Variants in NECAP1 observed in about 807,000 individuals in gnomAD.
NECAP1 encodes NECAP endocytosis associated 1, also known as adaptin ear-binding coat-associated protein 1.
In NECAP1, 13 loss-of-function variants were observed where a neutral mutation model predicts 33.4. That is an observed-to-expected ratio of 0.39 (90% CI 0.25 to 0.62). The LOEUF is 0.62. Among genes scored for constraint, NECAP1 ranks in the 20% least tolerant of loss-of-function variants. The pLI is 0.52. For synonymous variants in NECAP1, 109 were observed against 125.2 expected, an observed-to-expected ratio of 0.87 and a Z score of 0.86; for missense variants, 272 against 347.4, an observed-to-expected ratio of 0.78 and a Z score of 1.73.
chr12:8,087,540 T>C (rs994809617), intron 1 of NECAP1, among the ~76,000 whole-genome samples: 1 of 150,562 alleles, frequency 6.6e-6, no homozygotes, highest in African/African-American at 2.5e-5. Context: ...TTTTTTTTTT[T>C]AGAGACAGGG....
chr12:8,090,633 A>C (rs1947534877), intron 3 of NECAP1: 1 of 191,936 alleles, frequency 5.2e-6, no homozygotes, highest in Admixed American at 5.4e-5. Flanking sequence ...ATATGATGAA[A>C]CCCTGTCGCT....
intron 7 of NECAP1, 41 bp from the exon 8 acceptor site, chr12:8,096,001 A>G (rs777714331): frequency 1.9e-6 from 3 of 1,608,886 alleles, no homozygotes; most frequent in Non-Finnish European, 8.5e-7. Flanking sequence ...TTGTTATCCT[A>G]ATATTATGTC....
chr12:8,085,044 GA>G (rs1947474323), intron 1 of NECAP1, among the ~76,000 whole-genome samples: 1 of 151,472 alleles, frequency 6.6e-6, no homozygotes, highest in Non-Finnish European at 1.5e-5. Context: ...TTTTGAGATG[GA>G]GTCTGGCTGT....
At chr12:8,094,559 T>C (rs1158828975) in intron 6 of NECAP1, 1 of 152,300 alleles carries the variant, frequency 6.6e-6, no homozygotes, top group African/African-American at 2.4e-5. Context: ...CTCAAACTCC[T>C]GGGCTCAAGA....
chr12:8,095,195 T>C (rs1257708859), intron 6 of NECAP1: 3 of 173,496 alleles, frequency 1.7e-5, no homozygotes, highest in Non-Finnish European at 3.7e-5. Flanking sequence ...GTGGCATTTG[T>C]ATACAGATTT....
chr12:8,094,192 A>T (rs1947574535), intron 6 of NECAP1, among the ~76,000 whole-genome samples: 1 of 152,200 alleles, frequency 6.6e-6, no homozygotes, highest in African/African-American at 2.4e-5. Context: ...TGTTGCCAGA[A>T]GCCACTGGGG....
intron 6 of NECAP1, chr12:8,095,196 A>G (rs140177801): frequency 1.2e-5 from 2 of 169,732 alleles, no homozygotes; most frequent in East Asian, 1.7e-4. Flanking sequence ...TGGCATTTGT[A>G]TACAGATTTT....
At chr12:8,091,594 TG>T (rs533763322) in intron 3 of NECAP1, 174 bp from the exon 4 acceptor site, 1 of 606,044 alleles carries the variant, frequency 1.7e-6, no homozygotes, top group Non-Finnish European at 3.0e-6. Flanking sequence ...GGAGCTCAGG[TG>T]GTCATGCAAG....
At chr12:8,092,580 G>C (rs1947559856) in intron 4 of NECAP1, 96 bp from the exon 5 acceptor site, 2 of 824,032 alleles carry the variant, frequency 2.4e-6, no homozygotes, top group South Asian at 3.9e-5. Context: ...GTGTTTTCTG[G>C]AATCTCATTT....
At chr12:8,082,430 G>T in intron 1 of NECAP1, 47 bp downstream of exon 1, 2 of 1,535,614 alleles carry the variant, frequency 1.3e-6, no homozygotes, top group Non-Finnish European at 1.8e-6. Flanking sequence ...TGTCGCAGAT[G>T]ACAGCTTCCT....
At chr12:8,085,686 C>CTTTTTTTTTTTT (rs554942626) in intron 1 of NECAP1, among the ~76,000 whole-genome samples, 5 of 104,812 alleles carry the variant, frequency 4.8e-5, no homozygotes, top group African/African-American at 2.1e-4. Flanking sequence ...ACTTAATCTT[C>CTTTTTTTTTTTT]TTTTTTTTTT....
chr12:8,088,112 ATAAT>A (rs1565643739), intron 1 of NECAP1, among the ~76,000 whole-genome samples: 1 of 152,236 alleles, frequency 6.6e-6, no homozygotes, highest in African/African-American at 2.4e-5. Context: ...TTCATCATAA[ATAAT>A]CTTAGTTGTT....
chr12:8,095,235 A>ATTTTTTTTTTTTTTTTTTTTT (rs35905417), intron 6 of NECAP1: 1 of 112,354 alleles, frequency 8.9e-6, no homozygotes, highest in Non-Finnish European at 1.7e-5. Flanking sequence ...CATCTCCAAG[A>ATTTTTTTTTTTTTTTTTTTTT]TTTTTTTTTT....
At chr12:8,094,216 T>A (rs916858561) in intron 6 of NECAP1, among the ~76,000 whole-genome samples, 3 of 152,050 alleles carry the variant, frequency 2.0e-5, no homozygotes, top group Non-Finnish European at 4.4e-5. Context: ...GTATCTAAGA[T>A]TTTTTTTAAA....
chr12:8,090,176 T>C lies in NECAP1; in HGVS notation c.197-19T>C, dbSNP rs752100633. ...TTTTGGCTTGCTTTACTCAAAAAAG[T>C]CTTTCTCTTATCTGTCAGGGGAGCT... On this transcript the variant is annotated intron_variant, in intron 2 of 7. Transcript: ENST00000339754. 1.2e-5 allele frequency: 19 copies of C among 1,613,322 alleles called. No individual in the cohort carries two copies. In the Admixed American group the frequency reaches 3.2e-4, roughly 27 times the overall value.
intron 1 of NECAP1, among the ~76,000 whole-genome samples, chr12:8,084,125 AG>A (rs1641158237): frequency 6.6e-6 from 1 of 152,046 alleles, no homozygotes; most frequent in South Asian, 2.1e-4. Flanking sequence ...TTGGCTGAAA[AG>A]TTACCCTCTC....
chr12:8,086,611 C>T (rs1474606931), intron 1 of NECAP1, among the ~76,000 whole-genome samples: 1 of 151,844 alleles, frequency 6.6e-6, no homozygotes, highest in Admixed American at 6.6e-5. Context: ...AGGACTGCGT[C>T]TCAAAACAAA....
rs111394054 is a variant in NECAP1, at chr12:8,089,688, C to T, written c.96-248C>T. 2,681 of 455,500 alleles carry T rather than the reference C, an allele frequency of 5.9e-3. 67 individuals are homozygous for T. Among genetic ancestry groups the T allele is most frequent in the African/African-American group, 0.049 (2,478 of 50,798 alleles). The allele number at this position is 455,500 out of a possible 1,614,324, so 28.2% of individuals were successfully genotyped here. ...AATTTTATTTTTTATTGCTTTTATT[C>T]GTGCTTTTCCATCTTTTTAATGATG... is the stretch of plus-strand genomic sequence containing the variant. On this transcript the variant is annotated intron_variant, in intron 1 of 7. Coordinates refer to ENST00000339754, the MANE Select transcript of NECAP1 (RefSeq NM_015509.4).
chr12:8,094,651 C>T (rs1466854131), intron 6 of NECAP1: 1 of 152,074 alleles, frequency 6.6e-6, no homozygotes, highest in Non-Finnish European at 1.5e-5. Context: ...ATTTTTGTAG[C>T]AACAGAGTCT....
Sources: allele counts gnomAD v4.1 joint callset (sites outside exome capture counted in the v4.1 genomes callset), GRCh38; gene constraint gnomAD v4.1.1; transcripts MANE v1.5; gene names NCBI Gene and HGNC (gene_info 2026-07-23, HGNC 2026-07-21).